FAM222A: variants seen among roughly 807,000 people sequenced by gnomAD.
FAM222A encodes family with sequence similarity 222 member A, also known as protein FAM222A.
Under a neutral mutation model 25.8 loss-of-function variants are expected in FAM222A, and 7 were observed. That is an observed-to-expected ratio of 0.27 (90% CI 0.15 to 0.51). The LOEUF (loss-of-function observed/expected upper bound fraction) is 0.51, where lower values mean the gene tolerates loss of function less well. Ranked by LOEUF, FAM222A falls within the 20% of genes least tolerant of loss-of-function variation. The pLI is 0.97. For synonymous variants in FAM222A, 294 were observed against 298.8 expected (o/e 0.98, Z 0.17); for missense variants, 573 against 640.5 (o/e 0.89, Z 1.14).
chr12:109,742,332 C>G (rs749948783), intron 1 of FAM222A, among the ~76,000 whole-genome samples: 8 of 152,230 alleles, frequency 5.3e-5, no homozygotes, highest in Non-Finnish European at 8.8e-5. Flanking sequence ...GGCCTGCTCC[C>G]GCCACCTGCT....
rs987489397 is a variant in FAM222A, at chr12:109,739,286, C to T, written c.-46-4815C>T. 2.0e-5 allele frequency among the ~76,000 whole-genome samples: 3 copies of T among 152,366 alleles called. No homozygotes were observed. The East Asian group carries it at 5.8e-4, about 29-fold the overall frequency. ...GAGGGAAAGTTCCAGATGCCTGCCA[C>T]ATCAGGAAAATGCTGGAGGCAGAGA... On this transcript the variant is annotated intron_variant, in intron 1 of 2. Transcript: ENST00000538780.
chr12:109,741,572 A>C (rs976161381), intron 1 of FAM222A, among the ~76,000 whole-genome samples: 2 of 152,144 alleles, frequency 1.3e-5, no homozygotes, highest in Non-Finnish European at 2.9e-5. Flanking sequence ...CCCTTTTTCA[A>C]CTGCAAAGCA....
At chr12:109,765,324 C>T (rs1889013448) in intron 2 of FAM222A, among the ~76,000 whole-genome samples, 1 of 152,224 alleles carries the variant, frequency 6.6e-6, no homozygotes, top group Non-Finnish European at 1.5e-5. Context: ...CTAGCTGTGA[C>T]AGCCAATCAT....
chr12:109,744,360 C>T, intron 2 of FAM222A, 132 bp downstream of exon 2: 1 of 1,425,326 alleles, frequency 7.0e-7, no homozygotes, highest in Non-Finnish European at 9.2e-7. Flanking sequence ...AGGCCTTGGC[C>T]CCGGCTGTGC....
rs147633661 is a variant in FAM222A, at chr12:109,768,629, G to A, written c.700G>A (p.Gly234Ser). Reference sequence around the variant, plus strand: ...TCCCCATCCCAGCCCTGCCAAGCACGGCCCAGTGCCCAGCTTCCCCAGCAT... The same window carrying A: ...TCCCCATCCCAGCCCTGCCAAGCACAGCCCAGTGCCCAGCTTCCCCAGCAT... ...AIPHPSPAKH[G>S]PVPSFPSMAY... The change falls in exon 3 of 3, where the codon GGC becomes AGC. Residue 234 changes from glycine to serine, a missense_variant. This residue lies in a region of FAM222A where 412 missense variants were observed against 407.0 expected (regional missense o/e 1.01). Transcript: ENST00000538780. The A allele has an allele frequency of 8.9e-5, 143 of 1,602,276 alleles. No individual in the cohort carries two copies. The African/African-American group carries it at 1.0e-3, about 11-fold the overall frequency.
Position 109,714,278 on chromosome 12 carries a change from G to C in FAM222A, c.-666G>C, listed in dbSNP as rs2136311303. 1.8e-5 allele frequency: 3 copies of C among 167,290 alleles called. No individual in the cohort carries two copies. The South Asian group carries it at 3.5e-4, about 20-fold the overall frequency. 10.4% of individuals were successfully genotyped at this position (167,290 alleles called of 1,614,324 possible). The stretch of plus-strand genomic sequence containing the variant: ...CCACACCCGGGGCTCAGAGCAGGAG[G>C]AGGAGGGGCCGGTGCATTCTCGCCG... On this transcript the variant is annotated 5_prime_UTR_variant, in exon 1 of 3. Coordinates refer to ENST00000538780, the MANE Select transcript of FAM222A (RefSeq NM_032829.3). The surrounding 1 kb of genome is among the most constrained non-coding windows in gnomAD (Gnocchi z 4.2).
chr12:109,744,866 T>C, intron 2 of FAM222A: 1 of 753,148 alleles, frequency 1.3e-6, no homozygotes, highest in Non-Finnish European at 1.6e-6. Flanking sequence ...CATAGGCCTG[T>C]GTGCCTGTAT....
At chr12:109,742,282 G>C (rs1392582983) in intron 1 of FAM222A, 2 of 152,334 alleles carry the variant, frequency 1.3e-5, no homozygotes, top group African/African-American at 4.8e-5. Flanking sequence ...TGTCCTCCAG[G>C]GCTGGTGTCC....
At position 109,718,427 on chromosome 12, in the gene FAM222A, C is replaced by T. The variant is rs955242168; in HGVS notation, c.-47+3530C>T. Among the ~76,000 whole-genome samples the T allele has an allele frequency of 2.0e-5, 3 of 152,188 alleles. No homozygotes were observed. The East Asian group carries it at 5.8e-4, about 30-fold the overall frequency. ...CTCTGCCTTCCCATCCCTCACAAAC[C>T]GGAGGAAGGCAGCGAAGCAGCTCAT... On this transcript the variant is annotated intron_variant, in intron 1 of 2. Transcript: ENST00000538780.
chr12:109,729,784 G>A (rs1389851027), intron 1 of FAM222A, among the ~76,000 whole-genome samples: 1 of 152,220 alleles, frequency 6.6e-6, no homozygotes, highest in Non-Finnish European at 1.5e-5. Flanking sequence ...ACCTGACTGG[G>A]CACTGACTCC....
chr12:109,755,422 G>A (rs903970356), intron 2 of FAM222A, among the ~76,000 whole-genome samples: 3 of 144,534 alleles, frequency 2.1e-5, no homozygotes, highest in South Asian at 2.2e-4. Context: ...TCTGCCTCCC[G>A]AGTTCAAGTG....
chr12:109,721,619 G>A (rs540964656), intron 1 of FAM222A, among the ~76,000 whole-genome samples: 20 of 152,158 alleles, frequency 1.3e-4, no homozygotes, highest in African/African-American at 4.3e-4. Flanking sequence ...CCTCTGGCCC[G>A]TCTCCATGTG....
intron 1 of FAM222A, among the ~76,000 whole-genome samples, chr12:109,743,297 CA>C (rs1293737953): frequency 6.6e-6 from 1 of 152,174 alleles, no homozygotes; most frequent in Non-Finnish European, 1.5e-5. Flanking sequence ...ACGTTCTCTG[CA>C]GGAGAGTGGG....
At chr12:109,719,414 C>A (rs918469637) in intron 1 of FAM222A, among the ~76,000 whole-genome samples, 1 of 152,156 alleles carries the variant, frequency 6.6e-6, no homozygotes, top group Non-Finnish European at 1.5e-5. Context: ...TGGTTCCATT[C>A]GGTAAAACCA....
In FAM222A at chr12:109,744,330, C is replaced by G; in HGVS notation, c.82+102C>G. On this transcript the variant is annotated intron_variant, in intron 2 of 2. Coordinates refer to ENST00000538780, the MANE Select transcript of FAM222A (RefSeq NM_032829.3). ...CTACCATGGCCCTGTCGGAAAGTCT[C>G]TATGCTCTCTTAGGCCCCCAGGCCT... 7 of 1,471,256 alleles carry G rather than the reference C, an allele frequency of 4.8e-6. No individual in the cohort carries two copies. In the South Asian group the frequency reaches 9.4e-5, roughly 20 times the overall value. 91.1% of individuals were successfully genotyped at this position (1,471,256 alleles called of 1,614,324 possible). A position where few individuals can be genotyped will look rare whatever the true frequency, so the allele number is the denominator to read the frequency against.
At chr12:109,718,625 A>G (rs1887692024) in intron 1 of FAM222A, among the ~76,000 whole-genome samples, 2 of 152,224 alleles carry the variant, frequency 1.3e-5, no homozygotes, top group Admixed American at 6.5e-5. Flanking sequence ...TTGCGTGTCA[A>G]GAGCTATTGG....
intron 1 of FAM222A, among the ~76,000 whole-genome samples, chr12:109,727,148 T>C (rs1004902227): frequency 5.9e-5 from 9 of 151,356 alleles, no homozygotes; most frequent in African/African-American, 9.7e-5. Context: ...CCTTTTGAGC[T>C]CTCCAGCTCT....
intron 1 of FAM222A, among the ~76,000 whole-genome samples, chr12:109,733,446 G>A (rs561043609): frequency 1.2e-3 from 183 of 151,126 alleles, no homozygotes; most frequent in Non-Finnish European, 2.3e-3. Flanking sequence ...CTGTCACCCA[G>A]GCTGGAGTGC....
chr12:109,747,062 A>T (rs1325618625), intron 2 of FAM222A, among the ~76,000 whole-genome samples: 3 of 152,160 alleles, frequency 2.0e-5, no homozygotes, highest in African/African-American at 7.2e-5. Flanking sequence ...ATTTGGGAAT[A>T]CTTTGGATTT....
Sources: allele counts gnomAD v4.1 joint callset (sites outside exome capture counted in the v4.1 genomes callset), GRCh38; gene constraint gnomAD v4.1.1; regional missense constraint gnomAD v4.1.1; non-coding constraint Gnocchi (gnomAD v3.1); transcripts MANE v1.5; gene names NCBI Gene and HGNC (gene_info 2026-07-23, HGNC 2026-07-21).